CD82: variants seen among roughly 807,000 people sequenced by gnomAD.
CD82 encodes CD82 molecule.
In CD82, 36 loss-of-function variants were observed where a neutral mutation model predicts 37.4. That is an observed-to-expected ratio of 0.96 (90% CI 0.74 to 1.27). The LOEUF (loss-of-function observed/expected upper bound fraction) is 1.27. Among genes scored for constraint, CD82 ranks in the 50% most tolerant of loss-of-function variants. The pLI is 0.00. For missense variants in CD82, 340 were observed against 347.0 expected (o/e 0.98, Z 0.16); for synonymous variants, 158 against 137.4 (o/e 1.15, Z -1.05).
intron 2 of CD82, among the ~76,000 whole-genome samples, chr11:44,590,626 A>AAAAAAAAAC: frequency 6.7e-6 from 1 of 150,076 alleles, no homozygotes; most frequent in African/African-American, 2.5e-5. Context: ...AAAAAAAAAA[A>AAAAAAAAAC]AAAAGATGAA....
At chr11:44,599,592 G>C (rs111757734) in intron 3 of CD82, among the ~76,000 whole-genome samples, 243 of 152,384 alleles carry the variant, frequency 1.6e-3, no homozygotes, top group African/African-American at 5.5e-3. Flanking sequence ...AGTTTAGCCA[G>C]AGAAACCAAC....
At chr11:44,594,048 T>A (rs144288932) in intron 2 of CD82, among the ~76,000 whole-genome samples, 27 of 152,306 alleles carry the variant, frequency 1.8e-4, no homozygotes, top group African/African-American at 6.0e-4. Context: ...TGACAGTTTT[T>A]AATCTCTGGA....
intron 6 of CD82, among the ~76,000 whole-genome samples, chr11:44,613,947 G>A (rs1348428989): frequency 6.6e-6 from 1 of 152,154 alleles, no homozygotes; most frequent in East Asian, 1.9e-4. Flanking sequence ...CTGGCTTGGG[G>A]CTTGGGAAGG....
At chr11:44,593,931 GA>G (rs1036564798) in intron 2 of CD82, among the ~76,000 whole-genome samples, 6 of 151,892 alleles carry the variant, frequency 4.0e-5, no homozygotes, top group African/African-American at 7.3e-5. Flanking sequence ...ATTGTAGAAT[GA>G]AAAAAACAGG....
chr11:44,604,649 G>A, intron 4 of CD82: 1 of 290,364 alleles, frequency 3.4e-6, no homozygotes, highest in Non-Finnish European at 6.7e-6. Flanking sequence ...ACTGTGCACA[G>A]CACCTCACTG....
At chr11:44,603,408 C>T (rs114474517) in intron 4 of CD82, among the ~76,000 whole-genome samples, 1,630 of 152,292 alleles carry the variant, frequency 0.011, 43 homozygotes, top group African/African-American at 0.037. Flanking sequence ...TCGGCCTCTC[C>T]AGGATCCCCA....
chr11:44,596,537 G>A (rs556093970), intron 3 of CD82, among the ~76,000 whole-genome samples: 11 of 152,342 alleles, frequency 7.2e-5, no homozygotes, highest in East Asian at 3.9e-4. Flanking sequence ...TGTCCTGCTC[G>A]CAAGTTGCCC....
chr11:44,618,843 C>T (rs957592072), intron 9 of CD82, 120 bp downstream of exon 9: 2 of 901,556 alleles, frequency 2.2e-6, no homozygotes, highest in Non-Finnish European at 1.7e-6. Flanking sequence ...CTTCCAGAGG[C>T]CCTCTGGTCT....
chr11:44,605,117 A>G lies in CD82; in HGVS notation c.196A>G (p.Thr66Ala), dbSNP rs1367071616. 3 of 1,614,044 alleles carry G rather than the reference A, an allele frequency of 1.9e-6. No homozygotes were observed. Among genetic ancestry groups the G allele is most frequent in the African/African-American group, 2.7e-5 (2 of 74,914 alleles). ...AYVFIGVGAV[T>A]MLMGFLGCIG... ...TGTCTTCATCGGCGTGGGGGCAGTC[A>G]CTATGCTCATGGGCTTCCTGGGCTG... The change falls in exon 5 of 10, where the codon ACT becomes GCT. Residue 66 changes from threonine to alanine, a missense_variant. Coordinates refer to ENST00000227155, the MANE Select transcript of CD82 (RefSeq NM_002231.4).
rs567811889 is a variant in CD82, at chr11:44,578,743, G to A, written c.-102-8732G>A. On this transcript the variant is annotated intron_variant, in intron 1 of 9. Transcript: ENST00000227155. ...GGCCCTGGGAAGAGGAGAGGCCGGC[G>A]GATGGCTAGGTCCAGGACTGGACCA... is the stretch of plus-strand genomic sequence containing the variant. Among the ~76,000 whole-genome samples the A allele has an allele frequency of 6.6e-5, 10 of 152,254 alleles. No homozygotes were observed. The South Asian group carries it at 8.3e-4, about 13-fold the overall frequency.
intron 1 of CD82, among the ~76,000 whole-genome samples, chr11:44,575,307 C>T (rs1366956249): frequency 2.0e-5 from 3 of 152,244 alleles, no homozygotes; most frequent in Non-Finnish European, 4.4e-5. Context: ...ATTAACTAAT[C>T]ATGGGCTCTC....
rs147377524 is a variant in CD82 at position 44,571,125 on chromosome 11, G to A, written c.-103+5389G>A. Reference sequence around the variant, plus strand: ...TGGCTCTCAGTGTCAATGTGGAGAAGTGAACAATGCCCTGGTAGTTGGGCA... The same window carrying A: ...TGGCTCTCAGTGTCAATGTGGAGAAATGAACAATGCCCTGGTAGTTGGGCA... On this transcript the variant is annotated intron_variant, in intron 1 of 9. Coordinates refer to ENST00000227155, the MANE Select transcript of CD82 (RefSeq NM_002231.4). Among the ~76,000 whole-genome samples, 353 of 152,352 alleles carry A rather than the reference G, an allele frequency of 2.3e-3. 3 individuals carry two copies. The highest frequency in any genetic ancestry group is 8.0e-3 in the African/African-American group (334 of 41,580).
At chr11:44,591,131 TA>T (rs1445619356) in intron 2 of CD82, among the ~76,000 whole-genome samples, 1 of 152,228 alleles carries the variant, frequency 6.6e-6, no homozygotes, top group African/African-American at 2.4e-5. Context: ...GATGTCCAGA[TA>T]CCTCTGGGTC....
chr11:44,575,972 T>G (rs1344481619), intron 1 of CD82, among the ~76,000 whole-genome samples: 2 of 152,182 alleles, frequency 1.3e-5, no homozygotes, highest in Admixed American at 1.3e-4. Context: ...GCAGGTCTGG[T>G]GCGGAAGCAG....
At chr11:44,572,174 G>A (rs1383024803) in intron 1 of CD82, among the ~76,000 whole-genome samples, 1 of 152,226 alleles carries the variant, frequency 6.6e-6, no homozygotes, top group Non-Finnish European at 1.5e-5. Context: ...GTGTGGGCAG[G>A]TCCCAGCTGC....
intron 1 of CD82, among the ~76,000 whole-genome samples, chr11:44,567,392 T>C (rs1852751393): frequency 6.8e-6 from 1 of 147,998 alleles, no homozygotes. Flanking sequence ...TGTGTGTGTA[T>C]GTAGGGCAGG....
At chr11:44,594,039 GAC>G (rs1159729375) in intron 2 of CD82, among the ~76,000 whole-genome samples, 3 of 152,076 alleles carry the variant, frequency 2.0e-5, no homozygotes, top group African/African-American at 7.2e-5. Flanking sequence ...CTAAAACGAT[GAC>G]AGTTTTTAAT....
At chr11:44,570,715 G>A (rs1180407927) in intron 1 of CD82, among the ~76,000 whole-genome samples, 1 of 65,338 alleles carries the variant, frequency 1.5e-5, no homozygotes, top group Non-Finnish European at 3.7e-5. Flanking sequence ...TCCGATGCCT[G>A]GCCTTTATTA....
intron 9 of CD82, 73 bp downstream of exon 9, chr11:44,618,796 G>A (rs1334677932): frequency 3.7e-6 from 5 of 1,361,188 alleles, no homozygotes; most frequent in Non-Finnish European, 5.1e-6. Context: ...TGATCTCCTT[G>A]GGGAGGTGGT....
Sources: allele counts gnomAD v4.1 joint callset (sites outside exome capture counted in the v4.1 genomes callset), GRCh38; gene constraint gnomAD v4.1.1; transcripts MANE v1.5; gene names NCBI Gene and HGNC (gene_info 2026-07-23, HGNC 2026-07-21).